Variants in AMBRA1 observed in about 807,000 individuals in gnomAD.
AMBRA1 encodes activating molecule in BECN1-regulated autophagy protein 1.
Under a neutral mutation model 125.4 loss-of-function variants are expected in AMBRA1, and 47 were observed. That is an observed-to-expected ratio of 0.37 (90% CI 0.30 to 0.48). AMBRA1 has a LOEUF of 0.48. Among genes scored for constraint, AMBRA1 ranks in the 20% least tolerant of loss-of-function variants. The pLI is 0.99. For synonymous variants in AMBRA1, 626 were observed against 655.5 expected (o/e 0.95, Z 0.69); for missense variants, 1,331 against 1,693.4 (o/e 0.79, Z 3.76).
intron 1 of AMBRA1, among the ~76,000 whole-genome samples, chr11:46,549,428 T>C (rs1028666729): frequency 6.6e-6 from 1 of 152,208 alleles, no homozygotes; most frequent in African/African-American, 2.4e-5. Context: ...TTTTGCCAAA[T>C]TTGCCTCATC....
At chr11:46,547,787 A>G (rs1226201655) in intron 3 of AMBRA1, 30 bp downstream of exon 3, 1 of 1,594,998 alleles carries the variant, frequency 6.3e-7, no homozygotes, top group Non-Finnish European at 8.6e-7. Context: ...TGTTATCACA[A>G]ATCTTAAGTT....
chr11:46,423,998 G>C (rs1423062087), intron 14 of AMBRA1, among the ~76,000 whole-genome samples: 1 of 147,148 alleles, frequency 6.8e-6, no homozygotes, highest in African/African-American at 2.5e-5. Flanking sequence ...CCTAATCTCA[G>C]GTGATCCACC....
chr11:46,592,108 G>A (rs1175349112), intron 1 of AMBRA1, among the ~76,000 whole-genome samples: 1 of 151,582 alleles, frequency 6.6e-6, no homozygotes, highest in Non-Finnish European at 1.5e-5. Context: ...ACCACGCCCG[G>A]CTAATTTTGA....
chr11:46,400,122 T>C (rs1005444475), intron 17 of AMBRA1, among the ~76,000 whole-genome samples: 6 of 152,216 alleles, frequency 3.9e-5, no homozygotes, highest in East Asian at 3.9e-4. Context: ...CAGCTCTTGG[T>C]AGGGTGAGAA....
intron 11 of AMBRA1, among the ~76,000 whole-genome samples, chr11:46,444,476 A>G (rs1427747968): frequency 3.3e-5 from 5 of 152,082 alleles, no homozygotes; most frequent in African/African-American, 1.2e-4. Context: ...TCTGAGGTGC[A>G]TTTCATACAC....
At chr11:46,592,281 C>CA (rs1408895180) in intron 1 of AMBRA1, among the ~76,000 whole-genome samples, 3 of 151,836 alleles carry the variant, frequency 2.0e-5, no homozygotes. Context: ...AAATTAGGAT[C>CA]ATGGTACTGA....
At chr11:46,401,290 G>C (rs1350377846) in intron 17 of AMBRA1, among the ~76,000 whole-genome samples, 2 of 152,136 alleles carry the variant, frequency 1.3e-5, no homozygotes, top group Non-Finnish European at 2.9e-5. Flanking sequence ...GCCCAGACTG[G>C]AGTGCAGTGA....
At chr11:46,434,568 C>T (rs758949344) in intron 13 of AMBRA1, among the ~76,000 whole-genome samples, 1 of 152,210 alleles carries the variant, frequency 6.6e-6, no homozygotes, top group Non-Finnish European at 1.5e-5. Flanking sequence ...TTTAAATACA[C>T]AATGCCAAAC....
At chr11:46,406,233 T>C (rs1344188116) in intron 17 of AMBRA1, among the ~76,000 whole-genome samples, 2 of 151,406 alleles carry the variant, frequency 1.3e-5, no homozygotes, top group African/African-American at 4.9e-5. Flanking sequence ...TTTGTGTTTT[T>C]AGTAGAGACA....
chr11:46,581,947 T>C (rs542197846), intron 1 of AMBRA1, among the ~76,000 whole-genome samples: 1 of 151,656 alleles, frequency 6.6e-6, no homozygotes, highest in Non-Finnish European at 1.5e-5. Flanking sequence ...TGAGGCTTTG[T>C]CTCTACAAAT....
intron 1 of AMBRA1, among the ~76,000 whole-genome samples, chr11:46,549,910 C>T (rs775531384): frequency 6.6e-6 from 1 of 152,174 alleles, no homozygotes; most frequent in South Asian, 2.1e-4. Context: ...CCTCTGCCTC[C>T]TGGGTTCATG....
intron 11 of AMBRA1, among the ~76,000 whole-genome samples, chr11:46,482,025 T>C (rs1950090605): frequency 6.6e-6 from 1 of 152,220 alleles, no homozygotes; most frequent in South Asian, 2.1e-4. Context: ...ACTACATCCT[T>C]GTAGTATAAT....
At chr11:46,553,755 CACAAAA>C (rs2043085521) in intron 1 of AMBRA1, among the ~76,000 whole-genome samples, 3 of 150,238 alleles carry the variant, frequency 2.0e-5, no homozygotes, top group Admixed American at 6.6e-5. Flanking sequence ...AAAAAAAAAA[CACAAAA>C]ACAAAAACAA....
rs192770392 is a variant in AMBRA1, at chr11:46,527,014, C to A, written c.2073-14201G>T. ...TGCTCACTGTTTGTAAAGCATAAGG[C>A]CCCTGTATTAGTCAGAAGGGTCAAT... On this transcript the variant is annotated intron_variant, in intron 7 of 17. Transcript: ENST00000683756. Among the ~76,000 whole-genome samples the A allele has an allele frequency of 2.7e-3, 416 of 152,208 alleles. 3 individuals are homozygous for A. Among genetic ancestry groups the A allele is most frequent in the African/African-American group, 4.6e-3 (193 of 41,520 alleles).
intron 7 of AMBRA1, among the ~76,000 whole-genome samples, chr11:46,522,364 G>C (rs868484589): frequency 5.1e-4 from 78 of 152,256 alleles, no homozygotes; most frequent in African/African-American, 1.8e-3. Flanking sequence ...TAAACTCAAA[G>C]GCCCAAGCCA....
At chr11:46,424,089 T>C (rs895525703) in intron 14 of AMBRA1, among the ~76,000 whole-genome samples, 1 of 152,246 alleles carries the variant, frequency 6.6e-6, no homozygotes, top group Non-Finnish European at 1.5e-5. Context: ...AAAGTGATTA[T>C]TTAAAAACCC....
At chr11:46,494,456 C>T (rs1024642691) in intron 9 of AMBRA1, 4 of 396,676 alleles carry the variant, frequency 1.0e-5, no homozygotes, top group African/African-American at 7.8e-5. Flanking sequence ...TAATGTGGTC[C>T]CTTAGCGTCT....
At chr11:46,580,423 G>A (rs760742152) in intron 1 of AMBRA1, among the ~76,000 whole-genome samples, 3 of 152,058 alleles carry the variant, frequency 2.0e-5, no homozygotes, top group Admixed American at 1.3e-4. Flanking sequence ...GTTTTCACAG[G>A]CATCTCACAA....
intron 3 of AMBRA1, 92 bp downstream of exon 3, chr11:46,547,725 A>G: frequency 3.9e-6 from 5 of 1,282,870 alleles, no homozygotes; most frequent in Non-Finnish European, 5.5e-6. Context: ...CTTCAGAGAG[A>G]CTTTAGGGAC....
Sources: allele counts gnomAD v4.1 joint callset (sites outside exome capture counted in the v4.1 genomes callset), GRCh38; gene constraint gnomAD v4.1.1; transcripts MANE v1.5; gene names NCBI Gene and HGNC (gene_info 2026-07-23, HGNC 2026-07-21).